Variants in ARHGAP6 observed in about 807,000 individuals in gnomAD.
ARHGAP6 encodes the protein Rho GTPase activating protein 6.
A neutral mutation model predicts 55.7 loss-of-function variants in ARHGAP6; 16 were observed. The ratio of observed to expected loss-of-function variants is 0.29; its 90% CI spans 0.19 to 0.44. The LOEUF is 0.44. Among genes scored for constraint, ARHGAP6 ranks in the 20% least tolerant of loss-of-function variants. ARHGAP6 has a pLI of 1.00. For missense variants in ARHGAP6, 698 were observed against 808.9 expected (o/e 0.86, Z 1.66); for synonymous variants, 382 against 360.9 (o/e 1.06, Z -0.66).
At chrX:11,400,719 G>A (rs1360917633) in intron 1 of ARHGAP6, among the ~76,000 whole-genome samples, 2 of 111,471 alleles carry the variant, frequency 1.8e-5, no homozygotes, top group East Asian at 5.6e-4. Flanking sequence ...AAATATTTCA[G>A]CATTATACTC....
rs188030198 is a variant in ARHGAP6, at chrX:11,139,078, C to A, written c.2710G>T (p.Val904Leu). The change falls in exon 13 of 13, where the codon GTG (valine) becomes TTG (leucine). Residue 904 changes from valine to leucine, a missense_variant. This residue lies in a region of ARHGAP6 where 212 missense variants were observed against 208.7 expected (regional missense o/e 1.02). Coordinates refer to ENST00000337414, the MANE Select transcript of ARHGAP6 (RefSeq NM_013427.3). ...AAWIQGPPEG[V>L]ETPTDQGGQA... ...CCTCCCTGGTCCGTGGGTGTCTCCA[C>A]GCCTTCCGGGGGCCCCTGGATCCAG... The A allele has an allele frequency of 2.8e-4, 340 of 1,201,977 alleles. 1 individual carries two copies. The African/African-American group carries it at 5.3e-3, about 19-fold the overall frequency.
At chrX:11,423,003 C>G (rs2049839700) in intron 1 of ARHGAP6, among the ~76,000 whole-genome samples, 1 of 111,935 alleles carries the variant, frequency 8.9e-6, no homozygotes, top group South Asian at 3.8e-4. Context: ...AAGGTATCTA[C>G]AATTAGTAGA....
intron 1 of ARHGAP6, among the ~76,000 whole-genome samples, chrX:11,307,233 A>C (rs952901187): frequency 9.0e-6 from 1 of 111,141 alleles, no homozygotes; most frequent in Non-Finnish European, 1.9e-5. Flanking sequence ...CGCATACAGA[A>C]AGCCCATTTC....
chrX:11,575,935 C>T (rs2051591350), intron 1 of ARHGAP6, among the ~76,000 whole-genome samples: 1 of 112,187 alleles, frequency 8.9e-6, no homozygotes, highest in Non-Finnish European at 1.9e-5. Flanking sequence ...AGTGACAGAT[C>T]CAGGATTTGA....
intron 1 of ARHGAP6, among the ~76,000 whole-genome samples, chrX:11,358,437 CT>C (rs1235945539): frequency 2.5e-4 from 11 of 43,689 alleles, no homozygotes; most frequent in African/African-American, 6.6e-4. Flanking sequence ...CTGTATCTTT[CT>C]TTCTTTCTTT....
At chrX:11,623,065 C>T (rs746932408) in intron 1 of ARHGAP6, among the ~76,000 whole-genome samples, 2 of 110,335 alleles carry the variant, frequency 1.8e-5, no homozygotes, top group African/African-American at 6.6e-5. Context: ...ATAGCCAGAG[C>T]AATAAGACGA....
intron 1 of ARHGAP6, among the ~76,000 whole-genome samples, chrX:11,496,574 GAAAAAA>G (rs374354098): frequency 4.6e-5 from 5 of 109,475 alleles, no homozygotes; most frequent in African/African-American, 1.7e-4. Context: ...TTTTGAACTA[GAAAAAA>G]AAAGAATTAT....
At chrX:11,242,722 G>A (rs1295157476) in intron 2 of ARHGAP6, among the ~76,000 whole-genome samples, 1 of 111,298 alleles carries the variant, frequency 9.0e-6, no homozygotes, top group African/African-American at 3.3e-5. Flanking sequence ...AAAGGAAGTA[G>A]GCAGGAGAAC....
chrX:11,497,972 T>C (rs1466577604), intron 1 of ARHGAP6, among the ~76,000 whole-genome samples: 1 of 111,382 alleles, frequency 9.0e-6, no homozygotes, highest in African/African-American at 3.3e-5. Flanking sequence ...CAGAATAGGA[T>C]ACTAGAATAT....
chrX:11,160,174 G>A (rs2147292160), intron 9 of ARHGAP6, among the ~76,000 whole-genome samples: 1 of 110,554 alleles, frequency 9.0e-6, no homozygotes, highest in Admixed American at 9.6e-5. Context: ...TCGTGGCTGG[G>A]TGCGGTGGCT....
chrX:11,358,486 T>TA (rs1555998520), intron 1 of ARHGAP6, among the ~76,000 whole-genome samples: 1 of 84,009 alleles, frequency 1.2e-5, no homozygotes, highest in Non-Finnish European at 2.3e-5. Flanking sequence ...TCTTTCTTTC[T>TA]TTTTTTTTTT....
chrX:11,323,556 G>T (rs1247172862), intron 1 of ARHGAP6, among the ~76,000 whole-genome samples: 1 of 112,140 alleles, frequency 8.9e-6, no homozygotes, highest in Non-Finnish European at 1.9e-5. Flanking sequence ...GTTTGCAAAT[G>T]AAAAACTCAT....
At chrX:11,238,921 ATGTT>A (rs1414896846) in intron 2 of ARHGAP6, among the ~76,000 whole-genome samples, 1 of 112,007 alleles carries the variant, frequency 8.9e-6, no homozygotes, top group Non-Finnish European at 1.9e-5. Flanking sequence ...TACAAGATAA[ATGTT>A]TGTTATTTGA....
chrX:11,645,666 A>G (rs1372504742), intron 1 of ARHGAP6, among the ~76,000 whole-genome samples: 1 of 111,734 alleles, frequency 8.9e-6, no homozygotes, highest in African/African-American at 3.2e-5. Flanking sequence ...TGGCTTTTAG[A>G]GCCAAAGAGA....
chrX:11,356,128 G>C (rs1471932651), intron 1 of ARHGAP6, among the ~76,000 whole-genome samples: 4 of 110,921 alleles, frequency 3.6e-5, no homozygotes, highest in Non-Finnish European at 7.5e-5. Context: ...AGGGAGTTCA[G>C]GCTAAAGAAT....
intron 1 of ARHGAP6, among the ~76,000 whole-genome samples, chrX:11,270,077 T>C (rs929473120): frequency 8.9e-6 from 1 of 112,121 alleles, no homozygotes; most frequent in African/African-American, 3.2e-5. Flanking sequence ...ACTAGAATTA[T>C]CTCTATTTTG....
chrX:11,657,428 T>C (rs1006239079), intron 1 of ARHGAP6, among the ~76,000 whole-genome samples: 1 of 108,296 alleles, frequency 9.2e-6, no homozygotes, highest in Admixed American at 1.0e-4. Context: ...CGAAAACTTA[T>C]GGAAGAATAA....
At chrX:11,344,317 T>A (rs2048743653) in intron 1 of ARHGAP6, among the ~76,000 whole-genome samples, 1 of 111,459 alleles carries the variant, frequency 9.0e-6, no homozygotes, top group Non-Finnish European at 1.9e-5. Flanking sequence ...TAGTCCCTAC[T>A]TGAGAACCAC....
chrX:11,438,961 C>T (rs1446573209), intron 1 of ARHGAP6, among the ~76,000 whole-genome samples: 2 of 112,103 alleles, frequency 1.8e-5, no homozygotes, highest in Non-Finnish European at 3.8e-5. Context: ...GCTTCTGTAC[C>T]ACTTTCTATT....
Sources: allele counts gnomAD v4.1 joint callset (sites outside exome capture counted in the v4.1 genomes callset), GRCh38; gene constraint gnomAD v4.1.1; regional missense constraint gnomAD v4.1.1; transcripts MANE v1.5; gene names NCBI Gene and HGNC (gene_info 2026-07-23, HGNC 2026-07-21).